APP: variants seen among roughly 807,000 people sequenced by gnomAD.
APP encodes the protein amyloid-beta precursor protein.
APP carries 31 observed loss-of-function variants against 101.4 expected under a neutral mutation model. That is an observed-to-expected ratio of 0.31 (90% confidence interval 0.23 to 0.41). The LOEUF is 0.41. Ranked by LOEUF, APP falls within the 10% of genes least tolerant of loss-of-function variation. APP has a pLI of 1.00. For synonymous variants in APP, 366 were observed against 364.4 expected (o/e 1.00, Z -0.05); for missense variants, 839 against 1,003.7 (o/e 0.84, Z 2.22).
At chr21:25,958,609 T>TAA (rs2041440149) in intron 11 of APP, among the ~76,000 whole-genome samples, 1 of 152,142 alleles carries the variant, frequency 6.6e-6, no homozygotes, top group East Asian at 1.9e-4. Flanking sequence ...CATTTAAAAA[T>TAA]AAGCACAAAA....
At chr21:25,954,825 G>A in intron 12 of APP, 136 bp from the exon 13 acceptor site, 1 of 720,776 alleles carries the variant, frequency 1.4e-6, no homozygotes, top group South Asian at 1.7e-5. Context: ...AAGCACTGCA[G>A]GTAGATACAA....
Position 25,955,635 on chromosome 21 carries a change from G to C in APP, c.1579C>G (p.Arg527Gly). The C allele has an allele frequency of 6.2e-7, 1 of 1,614,128 alleles. No individual in the cohort carries two copies. Among genetic ancestry groups the C allele is most frequent in the Non-Finnish European group, 8.5e-7 (1 of 1,180,014 alleles). Residue 527 changes from arginine to glycine, a missense_variant, in exon 12 of 18, where the codon CGG (arginine) becomes GGG (glycine). Arg to Gly is a moderately radical substitution (Grantham distance 125). Coordinates refer to ENST00000346798, the MANE Select transcript of APP (RefSeq NM_000484.4). The stretch of plus-strand genomic sequence containing the variant: ...TTATACCCCACGCTTACCTGGGACC[G>C]GATCTGAGCGGCTTTCTTGGGATCC... Reference protein sequence around the residue: ...MVDPKKAAQIRSQVMTHLRVI... With the variant: ...MVDPKKAAQIGSQVMTHLRVI...
At chr21:26,091,079 A>G (rs1463336329) in intron 2 of APP, among the ~76,000 whole-genome samples, 1 of 152,226 alleles carries the variant, frequency 6.6e-6, no homozygotes, top group Non-Finnish European at 1.5e-5. Context: ...ATAAAAATCT[A>G]TTTCGAAAAT....
intron 3 of APP, among the ~76,000 whole-genome samples, chr21:26,089,284 G>A (rs1296762444): frequency 6.6e-6 from 1 of 152,144 alleles, no homozygotes; most frequent in East Asian, 1.9e-4. Context: ...TAAATATGGA[G>A]TATGACAGTT....
intron 5 of APP, among the ~76,000 whole-genome samples, chr21:26,030,923 T>G (rs2044789960): frequency 6.6e-6 from 1 of 152,210 alleles, no homozygotes; most frequent in African/African-American, 2.4e-5. Flanking sequence ...CTAGGGATGC[T>G]GCAGAGAATA....
At chr21:26,102,834 G>A (rs1380924345) in intron 2 of APP, among the ~76,000 whole-genome samples, 1 of 141,036 alleles carries the variant, frequency 7.1e-6, no homozygotes, top group Non-Finnish European at 1.5e-5. Context: ...AGAATGCAGT[G>A]AGCCAAGACT....
Position 25,944,882 on chromosome 21 carries a change from G to A in APP, c.1687+9708C>T, listed in dbSNP as rs1197286323. 2.6e-5 allele frequency among the ~76,000 whole-genome samples: 4 copies of A among 152,186 alleles called. No individual in the cohort carries two copies. The South Asian group carries it at 6.2e-4, about 24-fold the overall frequency. ...AAGTAGTTCCACAGCCACCACTGTG[G>A]TCTGACTTCACTTCCCAATCATTTT... On this transcript the variant is annotated intron_variant, in intron 13 of 17. Coordinates refer to ENST00000346798, the MANE Select transcript of APP (RefSeq NM_000484.4).
intron 17 of APP, among the ~76,000 whole-genome samples, chr21:25,887,665 G>A (rs959323116): frequency 2.7e-5 from 4 of 147,318 alleles, no homozygotes; most frequent in Admixed American, 6.8e-5. Flanking sequence ...CCATAATACC[G>A]TATTTTTTAC....
chr21:25,979,341 A>C (rs2042338934), intron 9 of APP, among the ~76,000 whole-genome samples: 2 of 152,222 alleles, frequency 1.3e-5, no homozygotes. Context: ...CTTATAAAGC[A>C]ATTTTCCACT....
chr21:26,161,652 ATAAT>A (rs2063493361), intron 1 of APP, among the ~76,000 whole-genome samples: 1 of 152,204 alleles, frequency 6.6e-6, no homozygotes. Flanking sequence ...TATTCTTAGA[ATAAT>A]TAGTCTGCAT....
At chr21:25,952,187 T>TACACACACACACACACAC (rs1324301529) in intron 13 of APP, among the ~76,000 whole-genome samples, 1 of 111,094 alleles carries the variant, frequency 9.0e-6, no homozygotes, top group African/African-American at 2.9e-5. Context: ...GCATATTACA[T>TACACACACACACACACAC]ACATACACAC....
chr21:25,997,265 C>CA, intron 8 of APP, 95 bp downstream of exon 8: 1 of 1,241,856 alleles, frequency 8.1e-7, no homozygotes, highest in Non-Finnish European at 1.2e-6. Context: ...TCAAGAAACA[C>CA]AAAACCATGC....
chr21:26,053,550 G>C (rs2045922381), intron 3 of APP: 1 of 486,832 alleles, frequency 2.1e-6, no homozygotes, highest in Non-Finnish European at 3.8e-6. Context: ...CAAGTTTGAT[G>C]GTTAAAATAA....
chr21:26,074,762 A>C (rs2061472713), intron 3 of APP, among the ~76,000 whole-genome samples: 1 of 152,148 alleles, frequency 6.6e-6, no homozygotes, highest in African/African-American at 2.4e-5. Flanking sequence ...AAAAAAAAAA[A>C]ATCTTTATCA....
At chr21:26,105,040 G>C (rs754348512) in intron 2 of APP, among the ~76,000 whole-genome samples, 3 of 138,040 alleles carry the variant, frequency 2.2e-5, no homozygotes, top group Non-Finnish European at 3.1e-5. Context: ...TCTGTCAATG[G>C]TAACTAATGG....
At chr21:26,030,228 A>C (rs1044965650) in intron 5 of APP, among the ~76,000 whole-genome samples, 7 of 152,322 alleles carry the variant, frequency 4.6e-5, no homozygotes, top group Non-Finnish European at 8.8e-5. Flanking sequence ...AGGATATAAA[A>C]AGTGCTATTC....
intron 16 of APP, among the ~76,000 whole-genome samples, chr21:25,896,672 A>G (rs746279836): frequency 6.6e-6 from 1 of 152,160 alleles, no homozygotes; most frequent in East Asian, 1.9e-4. Context: ...CACAAAGGAG[A>G]TGTGGCTTTT....
chr21:26,074,212 C>T (rs529215548), intron 3 of APP, among the ~76,000 whole-genome samples: 2 of 152,100 alleles, frequency 1.3e-5, no homozygotes, highest in East Asian at 3.9e-4. Context: ...AGAGAATGCC[C>T]CCCAAATTTT....
chr21:26,141,809 A>G (rs1164132900), intron 1 of APP, among the ~76,000 whole-genome samples: 1 of 152,236 alleles, frequency 6.6e-6, no homozygotes, highest in Non-Finnish European at 1.5e-5. Flanking sequence ...TTCAAAAAGA[A>G]ATAATATCAA....
Sources: allele counts gnomAD v4.1 joint callset (sites outside exome capture counted in the v4.1 genomes callset), GRCh38; gene constraint gnomAD v4.1.1; transcripts MANE v1.5; gene names NCBI Gene and HGNC (gene_info 2026-07-23, HGNC 2026-07-21).